HYCC2: variants seen among roughly 807,000 people sequenced by gnomAD.
HYCC2 encodes the protein hyccin PI4KA lipid kinase complex subunit 2.
chr2:200,983,248 T>A, the HYCC2 span, among the ~76,000 whole-genome samples: 49 of 152,316 alleles, frequency 3.2e-4, 1 homozygote, highest in East Asian at 9.1e-3. Context: ...TCCAGACTTC[T>A]GTAAAGTTTA....
chr2:201,037,431 C>T, the HYCC2 span, among the ~76,000 whole-genome samples: 1 of 152,124 alleles, frequency 6.6e-6, no homozygotes, highest in Admixed American at 6.5e-5. Flanking sequence ...CCCGCATTGC[C>T]AAGTCAATCC....
chr2:201,056,674 CAAAA>C, the HYCC2 span, among the ~76,000 whole-genome samples: 1 of 68,944 alleles, frequency 1.5e-5, no homozygotes. Context: ...AACTCCATCT[CAAAA>C]AAAAAAAAAA....
the HYCC2 span, among the ~76,000 whole-genome samples, chr2:201,013,013 G>A: frequency 6.6e-6 from 1 of 151,582 alleles, no homozygotes; most frequent in Non-Finnish European, 1.5e-5. Context: ...TCAGAGGAGT[G>A]AAAACTGCAG....
chr2:201,003,909 G>A, the HYCC2 span, among the ~76,000 whole-genome samples: 1 of 148,284 alleles, frequency 6.7e-6, no homozygotes, highest in Non-Finnish European at 1.5e-5. Context: ...TGCCTTCTGG[G>A]TTCAAGTGAT....
the HYCC2 span, among the ~76,000 whole-genome samples, chr2:201,000,630 G>C: frequency 6.6e-6 from 1 of 152,102 alleles, no homozygotes; most frequent in Non-Finnish European, 1.5e-5. Flanking sequence ...ACGTAAAATG[G>C]TACAGCTACT....
chr2:201,002,379 A>T, the HYCC2 span, among the ~76,000 whole-genome samples: 28 of 152,108 alleles, frequency 1.8e-4, no homozygotes, highest in African/African-American at 6.8e-4. Flanking sequence ...TAACTATCAG[A>T]TTGGTAAAGA....
At chr2:201,059,606 T>C in the HYCC2 span, among the ~76,000 whole-genome samples, 1 of 152,208 alleles carries the variant, frequency 6.6e-6, no homozygotes, top group African/African-American at 2.4e-5. Flanking sequence ...GAATAGTTTC[T>C]TTCCATTAAT....
the HYCC2 span, chr2:201,017,231 T>C: frequency 7.2e-7 from 1 of 1,386,524 alleles, no homozygotes. Flanking sequence ...TGTTGTTTTT[T>C]TTTTTTTAAG....
chr2:201,012,985 G>A, the HYCC2 span, among the ~76,000 whole-genome samples: 3 of 145,088 alleles, frequency 2.1e-5, no homozygotes, highest in East Asian at 2.0e-4. Flanking sequence ...ACACACACAC[G>A]CCTACAGATG....
At chr2:201,045,753 C>T in the HYCC2 span, among the ~76,000 whole-genome samples, 1 of 152,034 alleles carries the variant, frequency 6.6e-6, no homozygotes, top group Non-Finnish European at 1.5e-5. Context: ...TACTTGTATA[C>T]CTTTATCAAA....
chr2:201,004,282 T>A, the HYCC2 span, among the ~76,000 whole-genome samples: 6 of 152,226 alleles, frequency 3.9e-5, no homozygotes, highest in African/African-American at 1.4e-4. Flanking sequence ...GATATGTCAA[T>A]GCACATCAGG....
chr2:201,017,630 C>T, the HYCC2 span, among the ~76,000 whole-genome samples: 1 of 152,106 alleles, frequency 6.6e-6, no homozygotes. Flanking sequence ...TGTGTTGATA[C>T]AGAATTTTCT....
chr2:200,981,583 T>C, the HYCC2 span: 1 of 1,614,074 alleles, frequency 6.2e-7, no homozygotes, highest in Non-Finnish European at 8.5e-7. The surrounding 1 kb of genome is among the most constrained non-coding windows in gnomAD (Gnocchi z 4.5). Flanking sequence ...GCTCAGGTGT[T>C]TCTTCATTGG....
chr2:201,022,872 C>A, the HYCC2 span: 58 of 1,613,282 alleles, frequency 3.6e-5, no homozygotes, highest in Non-Finnish European at 4.7e-5. Context: ...AGGGCTGGTA[C>A]AAGTGTTTTT....
chr2:201,058,631 G>A, the HYCC2 span, among the ~76,000 whole-genome samples: 1 of 152,206 alleles, frequency 6.6e-6, no homozygotes, highest in Non-Finnish European at 1.5e-5. Context: ...CTGAACCTGG[G>A]AGGTGGAGGT....
At chr2:201,013,837 GA>G in the HYCC2 span, among the ~76,000 whole-genome samples, 13 of 152,162 alleles carry the variant, frequency 8.5e-5, no homozygotes, top group Non-Finnish European at 1.0e-4. Context: ...AGGTATTTGT[GA>G]AAATGATATG....
At chr2:201,047,465 T>TATATATATATATACAC in the HYCC2 span, among the ~76,000 whole-genome samples, 1 of 148,804 alleles carries the variant, frequency 6.7e-6, no homozygotes, top group African/African-American at 2.5e-5. Flanking sequence ...TATATATATA[T>TATATATATATATACAC]ACACACACAC....
the HYCC2 span, among the ~76,000 whole-genome samples, chr2:201,055,591 C>T: frequency 1.3e-5 from 2 of 151,994 alleles, no homozygotes; most frequent in East Asian, 1.9e-4. Flanking sequence ...TCCAGCTACT[C>T]CAGGGACTGA....
At chr2:201,035,563 C>T in the HYCC2 span, among the ~76,000 whole-genome samples, 5 of 152,242 alleles carry the variant, frequency 3.3e-5, no homozygotes, top group African/African-American at 9.6e-5. Context: ...TCCTTTAGCT[C>T]GGAGTAGTCT....
Sources: allele counts gnomAD v4.1 joint callset (sites outside exome capture counted in the v4.1 genomes callset), GRCh38; gene constraint gnomAD v4.1.1; non-coding constraint Gnocchi (gnomAD v3.1); transcripts MANE v1.5; gene names NCBI Gene and HGNC (gene_info 2026-07-23, HGNC 2026-07-21).